The following PPIP5K1 variants were observed in gnomAD, a reference collection of about 807,000 sequenced individuals.
The protein encoded by PPIP5K1 is diphosphoinositol pentakisphosphate kinase 1, also known as inositol hexakisphosphate and diphosphoinositol-pentakisphosphate kinase 1.
In PPIP5K1, 6 loss-of-function variants were observed where a neutral mutation model predicts 27.7. That is an observed-to-expected ratio of 0.22 (90% confidence interval 0.12 to 0.43). The LOEUF is 0.43. Ranked by LOEUF, PPIP5K1 falls within the 20% of genes least tolerant of loss-of-function variation. The pLI is 1.00. For missense variants in PPIP5K1, 394 were observed against 635.4 expected, an observed-to-expected ratio of 0.62 and a Z score of 4.08; for synonymous variants, 145 against 242.6, an observed-to-expected ratio of 0.60 and a Z score of 3.74.
chr15:43,534,692 G>A lies in PPIP5K1; in HGVS notation c.4455C>T (p.Val1485=), dbSNP rs2079588732. ...PEEIDLQAQE[V]PEEIN is the part of the protein sequence containing the mutation. ...AGGACTTCTAATTTATCTCCTCAGG[G>A]ACCTCCTGGGCCTGCAGATCAATCT... Residue 1485 remains valine (V), a synonymous_variant, in exon 32 of 32, where the codon GTC becomes GTT. Coordinates refer to ENST00000420765, the MANE Select transcript of PPIP5K1 (RefSeq NM_001394395.1). 6.6e-7 allele frequency: 1 copy of A among 1,524,854 alleles called. No individual in the cohort carries two copies. The highest frequency in any genetic ancestry group is 2.2e-5 in the Admixed American group (1 of 44,586). 94.5% of individuals were successfully genotyped at this position (1,524,854 alleles called of 1,614,324 possible).
chr15:43,534,568 G>T lies in PPIP5K1; in HGVS notation c.*106C>A. 1 of 1,006,692 alleles carries T rather than the reference G, an allele frequency of 9.9e-7. No individual in the cohort carries two copies. The highest frequency in any genetic ancestry group is 1.4e-6 in the Non-Finnish European group (1 of 692,834). The allele number at this position is 1,006,692 out of a possible 1,614,324, so 62.4% of individuals were successfully genotyped here. On this transcript the variant is annotated 3_prime_UTR_variant, in exon 32 of 32. Coordinates refer to ENST00000420765, the MANE Select transcript of PPIP5K1 (RefSeq NM_001394395.1). ...GGTGGAAGGGGTGAGTGCTGGTCAT[G>T]GGCTAGAGACTGGCTCTGAGGGTTT...
At chr15:43,553,457 C>T (rs1043654487) in intron 30 of PPIP5K1, among the ~76,000 whole-genome samples, 3 of 152,056 alleles carry the variant, frequency 2.0e-5, no homozygotes, top group Admixed American at 2.0e-4. Context: ...GTCCTCTCAC[C>T]TTAGCCCCTC....
rs367993541 is a variant in PPIP5K1 at position 43,551,923 on chromosome 15, G to A, written c.3556+6872C>T. Among the ~76,000 whole-genome samples, 4 of 151,278 alleles carry A rather than the reference G, an allele frequency of 2.6e-5. No individual in the cohort carries two copies. In the East Asian group the frequency reaches 7.8e-4, roughly 30 times the overall value. On this transcript the variant is annotated intron_variant, in intron 30 of 31. Coordinates refer to ENST00000420765, the MANE Select transcript of PPIP5K1 (RefSeq NM_001394395.1). The stretch of plus-strand genomic sequence containing the variant: ...CGGCTCCTTTTGCTTTTTGAGTTTA[G>A]TTTACTCTTCTTTTTCTAGTGTCAT...
chr15:43,551,390 T>C (rs1444782754), intron 30 of PPIP5K1, among the ~76,000 whole-genome samples: 1 of 151,164 alleles, frequency 6.6e-6, no homozygotes, highest in Non-Finnish European at 1.5e-5. Context: ...TGGTGGGCAG[T>C]GCCTGTAATC....
chr15:43,565,677 G>A (rs2084110204), intron 26 of PPIP5K1, among the ~76,000 whole-genome samples: 1 of 84,882 alleles, frequency 1.2e-5, no homozygotes, highest in Non-Finnish European at 2.1e-5. Context: ...AGCTTCCCAA[G>A]TAGCTGGGAT....
chr15:43,535,304 C>T lies in PPIP5K1; in HGVS notation c.3843G>A (p.Glu1281=), dbSNP rs867335514. 3.1e-6 allele frequency: 5 copies of T among 1,614,192 alleles called. No homozygotes were observed. The Middle Eastern group carries it at 8.2e-4, about 266-fold the overall frequency. The stretch of plus-strand genomic sequence containing the variant: ...GCTCTTGCTCCCCTTCTATGGAGAG[C>T]TCTTGTGCTCCACTCCCAGGGGTCT... ...LQETPGSGAQ[E]LSIEGEQELF... The change falls in exon 32 of 32, where the codon GAG becomes GAA. Residue 1281 remains glutamate (E), a synonymous_variant. Coordinates refer to ENST00000420765, the MANE Select transcript of PPIP5K1 (RefSeq NM_001394395.1).
chr15:43,553,635 A>ATT (rs1361814000), intron 30 of PPIP5K1, among the ~76,000 whole-genome samples: 1 of 135,782 alleles, frequency 7.4e-6, no homozygotes, highest in African/African-American at 2.8e-5. Context: ...TTCCTTACTA[A>ATT]TTTTCTGTGT....
chr15:43,555,656 G>T (rs1425707316), intron 30 of PPIP5K1, among the ~76,000 whole-genome samples: 1 of 151,028 alleles, frequency 6.6e-6, no homozygotes, highest in Non-Finnish European at 1.5e-5. Flanking sequence ...GCCCAGGCTG[G>T]AGTACAGTGG....
intron 30 of PPIP5K1, among the ~76,000 whole-genome samples, chr15:43,546,934 C>T (rs2081443289): frequency 6.6e-6 from 1 of 152,204 alleles, no homozygotes; most frequent in South Asian, 2.1e-4. Flanking sequence ...GCTGGGATTA[C>T]AGGCATGAGC....
At chr15:43,555,040 T>G (rs576846622) in intron 30 of PPIP5K1, among the ~76,000 whole-genome samples, 1 of 152,228 alleles carries the variant, frequency 6.6e-6, no homozygotes, top group East Asian at 1.9e-4. Flanking sequence ...TTTCCCCATG[T>G]TGGCCAGGCT....
At chr15:43,542,220 T>C (rs1200483239) in intron 30 of PPIP5K1, among the ~76,000 whole-genome samples, 1 of 151,928 alleles carries the variant, frequency 6.6e-6, no homozygotes, top group Non-Finnish European at 1.5e-5. Context: ...CTTTAATTGG[T>C]TTTCAGAGTA....
chr15:43,552,359 A>C (rs1031153946), intron 30 of PPIP5K1, among the ~76,000 whole-genome samples: 6 of 151,918 alleles, frequency 3.9e-5, no homozygotes, highest in African/African-American at 1.5e-4. Flanking sequence ...ATTCATCTCA[A>C]AGTATAATCT....
intron 30 of PPIP5K1, among the ~76,000 whole-genome samples, chr15:43,546,546 C>T (rs961799825): frequency 1.3e-5 from 2 of 152,046 alleles, no homozygotes; most frequent in Admixed American, 6.6e-5. Context: ...CTGCCTTGGC[C>T]TAACAAAGAG....
chr15:43,552,657 T>C (rs1388540440), intron 30 of PPIP5K1, among the ~76,000 whole-genome samples: 2 of 150,704 alleles, frequency 1.3e-5, no homozygotes, highest in Non-Finnish European at 3.0e-5. Flanking sequence ...GCCATGATCG[T>C]ACCACTGCAC....
rs1476234399 is a variant in PPIP5K1 at position 43,535,072 on chromosome 15, C to T, written c.4075G>A (p.Glu1359Lys). 1 of 1,613,950 alleles carries T rather than the reference C, an allele frequency of 6.2e-7. No individual in the cohort carries two copies. Among genetic ancestry groups the T allele is most frequent in the Non-Finnish European group, 8.5e-7 (1 of 1,180,012 alleles). ...NHDNGNHTCQ[E>K]VPHISQPCQK... ...CATGGCTGGCTGATGTGAGGGACCT[C>T]CTGGCATGTGTGGTTACCATTGTCA... Residue 1359 changes from glutamate to lysine, a missense_variant, in exon 32 of 32, where the codon GAG becomes AAG. Physicochemically the swap from Glu to Lys is moderately conservative, Grantham distance 56. Around this residue, in one of 4 missense-constraint regions of PPIP5K1, gnomAD observed 379 missense variants for 423.9 expected, o/e 0.89. Coordinates refer to ENST00000420765, the MANE Select transcript of PPIP5K1 (RefSeq NM_001394395.1).
intron 30 of PPIP5K1, among the ~76,000 whole-genome samples, chr15:43,544,391 A>G (rs751809156): frequency 1.3e-5 from 2 of 152,220 alleles, no homozygotes; most frequent in African/African-American, 2.4e-5. Context: ...ATAGTATTCA[A>G]TTGAGTGGAC....
chr15:43,537,945 T>G (rs1035159877), intron 31 of PPIP5K1, among the ~76,000 whole-genome samples: 1 of 151,642 alleles, frequency 6.6e-6, no homozygotes, highest in Admixed American at 6.6e-5. Flanking sequence ...AGTGGTCTGA[T>G]TCAGGCAAAT....
At chr15:43,554,289 C>T (rs1251057676) in intron 30 of PPIP5K1, among the ~76,000 whole-genome samples, 1 of 152,130 alleles carries the variant, frequency 6.6e-6, no homozygotes, top group African/African-American at 2.4e-5. Flanking sequence ...AAATTGACCT[C>T]ATTATCAATA....
In PPIP5K1 at chr15:43,535,326, G is replaced by T; in HGVS notation, c.3821C>A (p.Thr1274Asn). The change falls in exon 32 of 32, where the codon ACC becomes AAC. Residue 1274 changes from threonine (T) to asparagine (N), a missense_variant. Physicochemically the swap from Thr to Asn is moderately conservative, Grantham distance 65 (BLOSUM62 0). Around this residue, in one of 4 missense-constraint regions of PPIP5K1, gnomAD observed 379 missense variants for 423.9 expected, o/e 0.89. Transcript: ENST00000420765. Reference protein sequence around the residue: ...EHQGLGLLQETPGSGAQELSI... With the variant: ...EHQGLGLLQENPGSGAQELSI... ...GAGCTCTTGTGCTCCACTCCCAGGG[G>T]TCTCCTGGAGCAGCCCAAGGCCTTG... is the stretch of plus-strand genomic sequence containing the variant. 5 of 1,614,196 alleles carry T rather than the reference G, an allele frequency of 3.1e-6. No individual in the cohort carries two copies. Among genetic ancestry groups the T allele is most frequent in the East Asian group, 2.2e-5 (1 of 44,880 alleles).
Sources: gnomAD v4.1 joint callset for allele counts (sites outside exome capture counted in the v4.1 genomes callset) on GRCh38, gnomAD v4.1.1 for gene constraint, gnomAD v4.1.1 regional missense constraint, MANE v1.5 for transcripts, NCBI Gene and HGNC (gene_info 2026-07-23, HGNC 2026-07-21) for gene names.